PTPN4: variants seen among roughly 807,000 people sequenced by gnomAD.
The protein encoded by PTPN4 is protein tyrosine phosphatase non-receptor type 4.
In PTPN4, 49 loss-of-function variants were observed where a neutral mutation model predicts 135.5. That is an observed-to-expected ratio of 0.36 (90% CI 0.29 to 0.46). PTPN4 has a LOEUF of 0.46. Ranked by LOEUF, PTPN4 falls within the 20% of genes least tolerant of loss-of-function variation. The pLI is 1.00. For synonymous variants in PTPN4, 333 were observed against 369.9 expected (o/e 0.90, Z 1.14); for missense variants, 860 against 1,101.0 (o/e 0.78, Z 3.10).
rs192018322 is a variant in PTPN4, at chr2:119,967,881, C to T, written c.2603C>T (p.Ala868Val). 15 of 1,611,222 alleles carry T rather than the reference C, an allele frequency of 9.3e-6. No individual in the cohort carries two copies. In the Admixed American group the frequency reaches 1.2e-4, roughly 13 times the overall value. ...GGGGTTCTTATTACTATGGAAACAG[C>T]CATGTGTCTCATTGAATGCAATCAG... ...RTGVLITMET[A>V]MCLIECNQPV... Residue 868 changes from alanine to valine, a missense_variant, in exon 26 of 27, where the codon GCC becomes GTC. By Grantham distance (64) the Ala-to-Val change is moderately conservative (BLOSUM62 0). Transcript: ENST00000263708.
intron 8 of PTPN4, among the ~76,000 whole-genome samples, chr2:119,883,267 T>C (rs1678106684): frequency 6.6e-6 from 1 of 152,108 alleles, no homozygotes; most frequent in African/African-American, 2.4e-5. Flanking sequence ...ATAAAGTGTA[T>C]ATGAAACATA....
rs528334552 is a variant in PTPN4 at position 119,788,657 on chromosome 2, A to G, written c.-17-21180A>G. 5.3e-5 allele frequency among the ~76,000 whole-genome samples: 8 copies of G among 152,290 alleles called. No homozygotes were observed. The South Asian group carries it at 1.7e-3, about 32-fold the overall frequency. Reference sequence around the variant, plus strand: ...ATTTTGAACGTACTAGGTTCCTCATATAATGGAATTATATATAATATTTGT... The same window carrying G: ...ATTTTGAACGTACTAGGTTCCTCATGTAATGGAATTATATATAATATTTGT... On this transcript the variant is annotated intron_variant, in intron 1 of 26. Transcript: ENST00000263708.
intron 11 of PTPN4, among the ~76,000 whole-genome samples, chr2:119,919,015 A>G (rs1678700148): frequency 6.6e-6 from 1 of 152,242 alleles, no homozygotes. Context: ...TTCAAAAACA[A>G]GCATGACTAT....
At chr2:119,927,356 C>A (rs1195110878) in intron 13 of PTPN4, among the ~76,000 whole-genome samples, 1 of 151,952 alleles carries the variant, frequency 6.6e-6, no homozygotes, top group African/African-American at 2.4e-5. Flanking sequence ...GGTGATCCCC[C>A]CCACCTTGGC....
At chr2:119,933,743 A>G (rs1678942279) in intron 14 of PTPN4, among the ~76,000 whole-genome samples, 1 of 152,104 alleles carries the variant, frequency 6.6e-6, no homozygotes, top group South Asian at 2.1e-4. Flanking sequence ...CCATATCAGA[A>G]CAGTTTATAC....
In PTPN4 at chr2:119,919,533, G is replaced by T. The variant is rs570974908; in HGVS notation, c.829-536G>T. 1.2e-4 allele frequency among the ~76,000 whole-genome samples: 19 copies of T among 152,216 alleles called. No individual in the cohort carries two copies. The South Asian group carries it at 3.7e-3, about 30-fold the overall frequency. On this transcript the variant is annotated intron_variant, in intron 11 of 26. Coordinates refer to ENST00000263708, the MANE Select transcript of PTPN4 (RefSeq NM_002830.4). ...TTAAAGTTCCTAAGAGTTATAATAT[G>T]AATGAACAAGGCCAGCACGGGGGCT... is the stretch of plus-strand genomic sequence containing the variant.
At chr2:119,924,834 G>A (rs550333488) in intron 12 of PTPN4, among the ~76,000 whole-genome samples, 1 of 152,222 alleles carries the variant, frequency 6.6e-6, no homozygotes, top group East Asian at 1.9e-4. Flanking sequence ...TTCAGTCAGG[G>A]AAGCAGAAAG....
At chr2:119,903,094 G>A (rs754261911) in intron 10 of PTPN4, among the ~76,000 whole-genome samples, 28 of 152,120 alleles carry the variant, frequency 1.8e-4, no homozygotes, top group Non-Finnish European at 3.5e-4. Flanking sequence ...ACTGTATCTC[G>A]TGCAGTGTCC....
intron 10 of PTPN4, among the ~76,000 whole-genome samples, chr2:119,906,161 A>G (rs747166664): frequency 1.3e-5 from 2 of 152,312 alleles, no homozygotes; most frequent in East Asian, 3.9e-4. Context: ...AGGATCAACA[A>G]ATTGAAATTT....
intron 15 of PTPN4, 142 bp downstream of exon 15, chr2:119,935,100 C>A: frequency 1.0e-6 from 1 of 986,414 alleles, no homozygotes; most frequent in Non-Finnish European, 1.5e-6. Context: ...CAATTATGCT[C>A]ATTTGTTCCT....
intron 12 of PTPN4, among the ~76,000 whole-genome samples, chr2:119,925,485 GGTTA>G (rs66589837): frequency 0.17 from 25,124 of 151,896 alleles, 2,630 homozygotes; most frequent in Non-Finnish European, 0.24. Context: ...TCATCAAAGT[GGTTA>G]GACATCTTGT....
At chr2:119,833,196 C>A (rs558311478) in intron 2 of PTPN4, among the ~76,000 whole-genome samples, 85 of 151,714 alleles carry the variant, frequency 5.6e-4, no homozygotes, top group African/African-American at 2.0e-3. Context: ...TGGTATGGTG[C>A]AGTTTGGATT....
At chr2:119,921,109 C>T (rs991676163) in intron 12 of PTPN4, among the ~76,000 whole-genome samples, 11 of 151,842 alleles carry the variant, frequency 7.2e-5, no homozygotes, top group Non-Finnish European at 4.4e-5. Context: ...GGTGAAACCC[C>T]GTCTCTACCA....
chr2:119,943,608 T>A (rs1321204269), intron 15 of PTPN4, among the ~76,000 whole-genome samples: 2 of 112,220 alleles, frequency 1.8e-5, no homozygotes, highest in Non-Finnish European at 3.5e-5. Context: ...TTTTTTGAGA[T>A]GGAGTCTTGC....
At chr2:119,836,068 CAAAA>C (rs35095345) in intron 2 of PTPN4, among the ~76,000 whole-genome samples, 1 of 125,806 alleles carries the variant, frequency 7.9e-6, no homozygotes, top group Non-Finnish European at 1.7e-5. Flanking sequence ...GTCTCCGTCT[CAAAA>C]AAAAAAAAAA....
chr2:119,944,880 A>G (rs182639205), intron 15 of PTPN4, among the ~76,000 whole-genome samples: 1 of 152,188 alleles, frequency 6.6e-6, no homozygotes, highest in African/African-American at 2.4e-5. Flanking sequence ...ATTTTATTAT[A>G]TAATTGTTTA....
chr2:119,935,026 C>G lies in PTPN4; in HGVS notation c.1355+68C>G, dbSNP rs1678961581. On this transcript the variant is annotated intron_variant, in intron 15 of 26. Coordinates refer to ENST00000263708, the MANE Select transcript of PTPN4 (RefSeq NM_002830.4). The stretch of plus-strand genomic sequence containing the variant: ...CCCAAATTGCTTTACTTAAAATAAT[C>G]TGGGAAATTAGGATATTCGATACAA... The G allele has an allele frequency of 5.5e-6, 8 of 1,463,564 alleles. No homozygotes were observed. The South Asian group carries it at 8.8e-5, about 16-fold the overall frequency. The allele number at this position is 1,463,564 out of a possible 1,614,324, so 90.7% of individuals were successfully genotyped here.
At chr2:119,769,032 AT>A (rs1415414601) in intron 1 of PTPN4, among the ~76,000 whole-genome samples, 2 of 152,200 alleles carry the variant, frequency 1.3e-5, no homozygotes, top group Non-Finnish European at 2.9e-5. Context: ...TTAAGGTTGT[AT>A]AGATGGTAGC....
intron 2 of PTPN4, among the ~76,000 whole-genome samples, chr2:119,844,661 C>T (rs1466185256): frequency 2.3e-4 from 35 of 151,404 alleles, no homozygotes; most frequent in African/African-American, 7.8e-4. Flanking sequence ...GATGGGCGGC[C>T]GGGCAGAGAT....
Sources: gnomAD v4.1 joint callset for allele counts (sites outside exome capture counted in the v4.1 genomes callset) on GRCh38, gnomAD v4.1.1 for gene constraint, MANE v1.5 for transcripts, NCBI Gene and HGNC (gene_info 2026-07-23, HGNC 2026-07-21) for gene names.